Variants in CHST11 observed in about 807,000 individuals in gnomAD.
CHST11 encodes carbohydrate sulfotransferase 11.
A neutral mutation model predicts 30.4 loss-of-function variants in CHST11; 9 were observed. The ratio of observed to expected loss-of-function variants is 0.30; its 90% CI spans 0.18 to 0.52. CHST11 has a LOEUF of 0.52. CHST11 is among the 20% of genes least tolerant of loss of function. The probability of loss-of-function intolerance (pLI) is 0.97; values close to 1 mark genes in which losing one functional copy is unlikely to be tolerated. For synonymous variants in CHST11, 152 were observed against 187.8 expected, an observed-to-expected ratio of 0.81 and a Z score of 1.56; for missense variants, 348 against 460.6, an observed-to-expected ratio of 0.76 and a Z score of 2.24.
At chr12:104,672,167 G>T (rs1015634321) in intron 2 of CHST11, among the ~76,000 whole-genome samples, 2 of 152,164 alleles carry the variant, frequency 1.3e-5, no homozygotes, top group African/African-American at 4.8e-5. Flanking sequence ...TCAGGGAAGC[G>T]CGTTTTCTGG....
At chr12:104,734,074 C>T (rs1357643915) in intron 2 of CHST11, among the ~76,000 whole-genome samples, 2 of 152,242 alleles carry the variant, frequency 1.3e-5, no homozygotes, top group Admixed American at 6.5e-5. Context: ...AGCAGGGCTT[C>T]CCCTGCCAGG....
At chr12:104,615,331 G>A (rs1427251534) in intron 2 of CHST11, among the ~76,000 whole-genome samples, 2 of 152,186 alleles carry the variant, frequency 1.3e-5, no homozygotes, top group African/African-American at 2.4e-5. Flanking sequence ...TGTTTCTCAC[G>A]GAATATCCAC....
At chr12:104,539,943 G>A (rs2038271554) in intron 1 of CHST11, among the ~76,000 whole-genome samples, 1 of 152,048 alleles carries the variant, frequency 6.6e-6, no homozygotes, top group African/African-American at 2.4e-5. Context: ...CAAAGTGCTG[G>A]GATTACAAGT....
At chr12:104,514,316 C>A in intron 1 of CHST11, 1 of 935,054 alleles carries the variant, frequency 1.1e-6, no homozygotes, top group Non-Finnish European at 1.8e-6. Context: ...TGATCATTGG[C>A]TGTGCCAGAA....
At chr12:104,671,875 A>G (rs2039700931) in intron 2 of CHST11, among the ~76,000 whole-genome samples, 1 of 152,096 alleles carries the variant, frequency 6.6e-6, no homozygotes, top group African/African-American at 2.4e-5. Flanking sequence ...GCATTGGGAC[A>G]CTGAAGTTAG....
At position 104,761,830 on chromosome 12, in the gene CHST11, A is replaced by G. The variant is rs544001818; in HGVS notation, c.*4027A>G. 4 of 152,236 alleles carry G rather than the reference A, an allele frequency of 2.6e-5. No individual in the cohort carries two copies. The highest frequency in any genetic ancestry group is 4.8e-5 in the African/African-American group (2 of 41,530). 9.4% of individuals were successfully genotyped at this position (152,236 alleles called of 1,614,324 possible). On this transcript the variant is annotated 3_prime_UTR_variant, in exon 3 of 3. Coordinates refer to ENST00000303694, the MANE Select transcript of CHST11 (RefSeq NM_018413.6). Reference sequence around the variant, plus strand: ...GTGGAGTGTGATTTTCTTTTTTCACATATTTGTATGCAGTAGAGAGCCTGT... The same window carrying G: ...GTGGAGTGTGATTTTCTTTTTTCACGTATTTGTATGCAGTAGAGAGCCTGT...
chr12:104,731,472 GGTTTT>G (rs1016927985), intron 2 of CHST11, among the ~76,000 whole-genome samples: 2 of 152,150 alleles, frequency 1.3e-5, no homozygotes, highest in African/African-American at 2.4e-5. Flanking sequence ...GGCTTCTCCC[GGTTTT>G]ATTTTGGGGG....
intron 2 of CHST11, among the ~76,000 whole-genome samples, chr12:104,608,883 G>A (rs552921919): frequency 6.6e-6 from 1 of 152,298 alleles, no homozygotes; most frequent in Admixed American, 6.5e-5. Context: ...GCCAATCCGA[G>A]ATGCCAAGTC....
intron 1 of CHST11, among the ~76,000 whole-genome samples, chr12:104,467,728 TG>T: frequency 6.6e-6 from 1 of 152,236 alleles, no homozygotes; most frequent in East Asian, 1.9e-4. Flanking sequence ...AGCTGGTGGC[TG>T]GGTTTCTGTT....
At chr12:104,712,143 T>TGAGCATTTGAC (rs1196968929) in intron 2 of CHST11, among the ~76,000 whole-genome samples, 1 of 151,896 alleles carries the variant, frequency 6.6e-6, no homozygotes, top group Non-Finnish European at 1.5e-5. Flanking sequence ...AGGCGCGGGG[T>TGAGCATTTGAC]GAGCATTTGA....
At chr12:104,484,563 T>C (rs1178723624) in intron 1 of CHST11, among the ~76,000 whole-genome samples, 1 of 152,186 alleles carries the variant, frequency 6.6e-6, no homozygotes, top group Non-Finnish European at 1.5e-5. Context: ...GTGTCTACCT[T>C]GCAGGGTTAT....
intron 1 of CHST11, among the ~76,000 whole-genome samples, chr12:104,570,024 A>G (rs1186756669): frequency 6.6e-6 from 1 of 152,144 alleles, no homozygotes; most frequent in African/African-American, 2.4e-5. Flanking sequence ...GACGTGTCTG[A>G]CAACCTACAA....
At chr12:104,530,868 C>T (rs140800248) in intron 1 of CHST11, among the ~76,000 whole-genome samples, 113 of 152,330 alleles carry the variant, frequency 7.4e-4, no homozygotes, top group African/African-American at 2.4e-3. Context: ...TAAATGGATT[C>T]GTGCTGTAGA....
chr12:104,748,673 G>GCCCCACCCGGCAC (rs2040407369), intron 2 of CHST11, among the ~76,000 whole-genome samples: 1 of 152,112 alleles, frequency 6.6e-6, no homozygotes, highest in African/African-American at 2.4e-5. Context: ...GGGAACACCA[G>GCCCCACCCGGCAC]CCCCACCCGG....
intron 2 of CHST11, among the ~76,000 whole-genome samples, chr12:104,693,910 C>T (rs1330624767): frequency 6.6e-6 from 1 of 152,074 alleles, no homozygotes; most frequent in Non-Finnish European, 1.5e-5. Context: ...GTCACTTTTT[C>T]TTAAAAAGTC....
At chr12:104,499,784 C>T (rs905777190) in intron 1 of CHST11, among the ~76,000 whole-genome samples, 2 of 152,206 alleles carry the variant, frequency 1.3e-5, no homozygotes, top group South Asian at 4.1e-4. Context: ...GCTACCTTCC[C>T]TCATTCTGCC....
intron 1 of CHST11, among the ~76,000 whole-genome samples, chr12:104,577,635 T>C (rs2038698538): frequency 6.6e-6 from 1 of 152,222 alleles, no homozygotes; most frequent in South Asian, 2.1e-4. Flanking sequence ...GTTCATTGTC[T>C]GGTCAATGCC....
chr12:104,460,844 T>C (rs1187129051), intron 1 of CHST11, among the ~76,000 whole-genome samples: 1 of 152,152 alleles, frequency 6.6e-6, no homozygotes, highest in Non-Finnish European at 1.5e-5. Flanking sequence ...GTCAGTAGGA[T>C]AGTTACATTT....
chr12:104,597,111 C>T (rs1446251068), intron 1 of CHST11, among the ~76,000 whole-genome samples: 2 of 152,206 alleles, frequency 1.3e-5, no homozygotes, highest in East Asian at 1.9e-4. Flanking sequence ...TGAGCCAGCT[C>T]TCCGTGGGCT....
Sources: allele counts gnomAD v4.1 joint callset (sites outside exome capture counted in the v4.1 genomes callset), GRCh38; gene constraint gnomAD v4.1.1; transcripts MANE v1.5; gene names NCBI Gene and HGNC (gene_info 2026-07-23, HGNC 2026-07-21).